Variants in SPAG9 observed in about 807,000 individuals in gnomAD.
SPAG9 encodes C-Jun-amino-terminal kinase-interacting protein 4.
In SPAG9, 35 loss-of-function variants were observed where a neutral mutation model predicts 166.5. That is an observed-to-expected ratio of 0.21 (90% CI 0.16 to 0.28). The LOEUF (loss-of-function observed/expected upper bound fraction) is 0.28. Among genes scored for constraint, SPAG9 ranks in the 10% least tolerant of loss-of-function variants. The pLI, the probability that SPAG9 is intolerant of heterozygous loss-of-function variation, is 1.00. For missense variants in SPAG9, 1,235 were observed against 1,603.3 expected (o/e 0.77, Z 3.92); for synonymous variants, 534 against 565.5 (o/e 0.94, Z 0.79).
chr17:50,999,546 T>TAA (rs61490626), intron 14 of SPAG9, 115 bp downstream of exon 14: 864 of 1,243,440 alleles, frequency 6.9e-4, no homozygotes, highest in Non-Finnish European at 8.2e-4. Context: ...ACCCCTAGTT[T>TAA]AAAAAAAAAA....
intron 29 of SPAG9, 138 bp downstream of exon 29, chr17:50,970,569 C>A: frequency 1.9e-5 from 12 of 632,586 alleles, no homozygotes; most frequent in South Asian, 1.3e-4. Flanking sequence ...AACAAAAACC[C>A]ACAAAATCCT....
intron 2 of SPAG9, among the ~76,000 whole-genome samples, chr17:51,079,044 G>A (rs2048091968): frequency 6.6e-6 from 1 of 152,138 alleles, no homozygotes; most frequent in African/African-American, 2.4e-5. Flanking sequence ...CTAAATTGAA[G>A]TGAGTCTGAT....
intron 21 of SPAG9, among the ~76,000 whole-genome samples, 166 bp from the exon 22 acceptor site, chr17:50,987,403 A>C (rs1024175348): frequency 1.3e-5 from 2 of 152,114 alleles, no homozygotes; most frequent in African/African-American, 2.4e-5. Context: ...ACAGTGGCAC[A>C]ATCAGGGCTC....
chr17:51,052,866 C>G (rs1237973729), intron 3 of SPAG9, among the ~76,000 whole-genome samples: 1 of 151,422 alleles, frequency 6.6e-6, no homozygotes, highest in African/African-American at 2.4e-5. Flanking sequence ...CGAGATCAGG[C>G]TGGCCAACAT....
chr17:51,067,884 T>C (rs1200793949), intron 2 of SPAG9, among the ~76,000 whole-genome samples: 1 of 152,194 alleles, frequency 6.6e-6, no homozygotes, highest in East Asian at 1.9e-4. Context: ...AGGATAAGAT[T>C]AAGGCAGGAA....
rs2049430438 is a variant in SPAG9 at position 51,120,094 on chromosome 17, C to CCA, written c.303+258_303+259dup. ...TTGGCCAACCCCAGGTGTCCTCAGG[C>CCA]CAGGCTGCCGCTTCCTCCCCGGGCC... is the stretch of plus-strand genomic sequence containing the variant. On this transcript the variant is annotated intron_variant, in intron 1 of 29. Transcript: ENST00000262013. The surrounding 1 kb of genome is among the most constrained non-coding windows in gnomAD (Gnocchi z 4.7). 6.6e-6 allele frequency among the ~76,000 whole-genome samples: 1 copy of CCA among 152,256 alleles called. No homozygotes were observed. Among genetic ancestry groups the CCA allele is most frequent in the African/African-American group, 2.4e-5 (1 of 41,472 alleles).
chr17:51,064,724 A>AGG (rs752420809), intron 2 of SPAG9, among the ~76,000 whole-genome samples: 2 of 152,186 alleles, frequency 1.3e-5, no homozygotes, highest in Non-Finnish European at 2.9e-5. Context: ...AACAGGTATG[A>AGG]GGGGGTGGTT....
rs563712997 is a variant in SPAG9, at chr17:51,003,484, C to T, written c.1477-1639G>A. ...ACCCAAGACCAGCATTAAGGGTAAA[C>T]TTATTACCTAGTTACCAAGGTACTC... On this transcript the variant is annotated intron_variant, in intron 12 of 29. Coordinates refer to ENST00000262013, the MANE Select transcript of SPAG9 (RefSeq NM_001130528.3). 2.8e-4 allele frequency among the ~76,000 whole-genome samples: 43 copies of T among 152,210 alleles called. 1 individual carries two copies. Among genetic ancestry groups the T allele is most frequent in the South Asian group, 1.2e-3 (6 of 4,828 alleles).
At chr17:51,026,152 C>T (rs1468819410) in intron 6 of SPAG9, among the ~76,000 whole-genome samples, 4 of 151,972 alleles carry the variant, frequency 2.6e-5, no homozygotes, top group Non-Finnish European at 5.9e-5. Context: ...GTCCCCCACT[C>T]CCCACAAAAG....
intron 1 of SPAG9, among the ~76,000 whole-genome samples, chr17:51,109,272 T>C (rs558272357): frequency 6.6e-6 from 1 of 152,262 alleles, no homozygotes; most frequent in South Asian, 2.1e-4. Flanking sequence ...AGTCTTGCTC[T>C]GTCGCCTAGG....
intron 1 of SPAG9, among the ~76,000 whole-genome samples, chr17:51,098,144 A>G (rs1189570647): frequency 3.3e-5 from 5 of 151,914 alleles, no homozygotes; most frequent in Admixed American, 6.6e-5. Context: ...ATTTGGTCAC[A>G]GAAGTCTTCT....
chr17:51,039,394 G>C (rs1456409427), intron 5 of SPAG9, among the ~76,000 whole-genome samples: 2 of 152,072 alleles, frequency 1.3e-5, no homozygotes, highest in Non-Finnish European at 2.9e-5. Flanking sequence ...TGAACGACAA[G>C]GGCTTAGGTG....
chr17:51,107,105 A>G (rs1401244108), intron 1 of SPAG9, among the ~76,000 whole-genome samples: 3 of 151,836 alleles, frequency 2.0e-5, no homozygotes, highest in Admixed American at 6.6e-5. Context: ...CATCTCAAAA[A>G]AAAAAAAAAA....
chr17:50,976,603 G>A (rs776194514), intron 27 of SPAG9: 2 of 152,996 alleles, frequency 1.3e-5, no homozygotes, highest in Non-Finnish European at 2.9e-5. Flanking sequence ...AACATCATAT[G>A]AGAAACACAC....
intron 26 of SPAG9, among the ~76,000 whole-genome samples, chr17:50,979,031 T>C (rs1397409888): frequency 6.6e-6 from 1 of 152,004 alleles, no homozygotes; most frequent in Non-Finnish European, 1.5e-5. Flanking sequence ...AGATTAGATG[T>C]GGGAAATAAG....
At chr17:51,091,093 C>T (rs1015865819) in intron 1 of SPAG9, among the ~76,000 whole-genome samples, 10 of 151,376 alleles carry the variant, frequency 6.6e-5, no homozygotes, top group Non-Finnish European at 1.2e-4. Context: ...TCTGTCTCCA[C>T]GAAACCCTGT....
At chr17:51,011,588 G>T (rs1205668572) in intron 9 of SPAG9, among the ~76,000 whole-genome samples, 1 of 152,010 alleles carries the variant, frequency 6.6e-6, no homozygotes, top group African/African-American at 2.4e-5. Context: ...TCACCATGTT[G>T]GCCAGGCTGG....
At chr17:50,986,976 T>A (rs1975091781) in intron 22 of SPAG9, 136 bp downstream of exon 22, 3 of 770,242 alleles carry the variant, frequency 3.9e-6, no homozygotes, top group Non-Finnish European at 6.1e-6. Context: ...CAACATAACA[T>A]CAAATTGTGT....
At chr17:51,046,402 T>C in intron 4 of SPAG9, 2 of 816,056 alleles carry the variant, frequency 2.5e-6, no homozygotes, top group Non-Finnish European at 3.8e-6. Flanking sequence ...TTTTCCATTG[T>C]TTCAATCTGC....
Sources: gnomAD v4.1 joint callset for allele counts (sites outside exome capture counted in the v4.1 genomes callset) on GRCh38, gnomAD v4.1.1 for gene constraint, Gnocchi (gnomAD v3.1) non-coding constraint, MANE v1.5 for transcripts, NCBI Gene and HGNC (gene_info 2026-07-23, HGNC 2026-07-21) for gene names.